MAD1L1: variants seen among roughly 807,000 people sequenced by gnomAD.
MAD1L1 encodes mitotic spindle assembly checkpoint protein MAD1.
In MAD1L1, 95 loss-of-function variants were observed where a neutral mutation model predicts 96.9. The ratio of observed to expected loss-of-function variants is 0.98; its 90% confidence interval spans 0.83 to 1.16. The LOEUF (loss-of-function observed/expected upper bound fraction) is 1.16. MAD1L1 is among the 50% of genes most tolerant of loss of function. The pLI is 0.00. For missense variants in MAD1L1, 1,007 were observed against 954.4 expected (o/e 1.06, Z -0.73); for synonymous variants, 473 against 396.6 (o/e 1.19, Z -2.29).
chr7:1,960,384 C>G (rs905250468), intron 15 of MAD1L1, among the ~76,000 whole-genome samples: 6 of 152,060 alleles, frequency 3.9e-5, no homozygotes, highest in African/African-American at 1.4e-4. Flanking sequence ...AAGGCAGACA[C>G]TCAAACTGGA....
At position 2,095,703 on chromosome 7, in the gene MAD1L1, C is replaced by A. The variant is rs550223534; in HGVS notation, c.1074-26365G>T. ...CATCACCTGCCTACTGCGAGAGGGG[C>A]ACAGGGACACACAGGCGCACAAGGC... is the stretch of plus-strand genomic sequence containing the variant. On this transcript the variant is annotated intron_variant, in intron 11 of 18. Transcript: ENST00000265854. Among the ~76,000 whole-genome samples, 5 of 152,340 alleles carry A rather than the reference C, an allele frequency of 3.3e-5. No individual in the cohort carries two copies. The East Asian group carries it at 9.7e-4, about 29-fold the overall frequency.
intron 14 of MAD1L1, among the ~76,000 whole-genome samples, chr7:1,983,210 T>A (rs1562583199): frequency 6.6e-6 from 1 of 151,942 alleles, no homozygotes; most frequent in Non-Finnish European, 1.5e-5. Flanking sequence ...CCTTTGCAGT[T>A]GTTGGTGTCA....
intron 17 of MAD1L1, among the ~76,000 whole-genome samples, chr7:1,931,721 G>A (rs1446230469): frequency 6.6e-6 from 1 of 151,802 alleles, no homozygotes; most frequent in Non-Finnish European, 1.5e-5. Flanking sequence ...TTCAGATCAG[G>A]CCTCAGCTCC....
chr7:2,217,714 C>T (rs1482840795), intron 7 of MAD1L1, among the ~76,000 whole-genome samples: 4 of 152,242 alleles, frequency 2.6e-5, no homozygotes, highest in East Asian at 3.9e-4. Context: ...TCATCACACA[C>T]ACGGACATTT....
chr7:1,942,700 G>A (rs1348995356), intron 16 of MAD1L1, among the ~76,000 whole-genome samples: 1 of 152,144 alleles, frequency 6.6e-6, no homozygotes. Flanking sequence ...GGCGCTGTCG[G>A]GACCAGAGAC....
In MAD1L1 at chr7:2,180,968, AT is replaced by A. The variant is rs1791173164; in HGVS notation, c.987-31731del. 2.0e-5 allele frequency among the ~76,000 whole-genome samples: 3 copies of A among 152,182 alleles called. No homozygotes were observed. The East Asian group carries it at 5.8e-4, about 29-fold the overall frequency. ...TGGAGAAAGCACGTATCCTGTCTTC[AT>A]TTTTCTTCTCTCTCTGCTTTATTCC... On this transcript the variant is annotated intron_variant, in intron 10 of 18. Coordinates refer to ENST00000265854, the MANE Select transcript of MAD1L1 (RefSeq NM_001013836.2).
chr7:2,182,904 A>G (rs1791270801), intron 10 of MAD1L1, among the ~76,000 whole-genome samples: 1 of 152,160 alleles, frequency 6.6e-6, no homozygotes, highest in Admixed American at 6.5e-5. Flanking sequence ...CAAATATACT[A>G]AAAACCACCA....
chr7:2,080,973 C>G (rs1785612318), intron 11 of MAD1L1, among the ~76,000 whole-genome samples: 1 of 152,208 alleles, frequency 6.6e-6, no homozygotes, highest in South Asian at 2.1e-4. Flanking sequence ...CCTCAGCTGC[C>G]TCTCAGCATG....
intron 11 of MAD1L1, among the ~76,000 whole-genome samples, chr7:2,085,701 G>A (rs1346974464): frequency 2.0e-5 from 3 of 152,224 alleles, no homozygotes; most frequent in East Asian, 1.9e-4. Context: ...GTGGACAGCC[G>A]TGTTGTTTTT....
chr7:2,018,045 GC>G (rs1240157369), intron 12 of MAD1L1, among the ~76,000 whole-genome samples: 1 of 152,082 alleles, frequency 6.6e-6, no homozygotes, highest in Non-Finnish European at 1.5e-5. Context: ...TGTTGGAGGT[GC>G]TGCAGGCAGG....
At chr7:2,049,723 G>C (rs1405385288) in intron 12 of MAD1L1, among the ~76,000 whole-genome samples, 1 of 152,208 alleles carries the variant, frequency 6.6e-6, no homozygotes, top group Non-Finnish European at 1.5e-5. Context: ...CCAGTGTCCA[G>C]GAGGACTATC....
chr7:1,872,082 C>T (rs1027564721), intron 18 of MAD1L1, among the ~76,000 whole-genome samples: 1 of 152,202 alleles, frequency 6.6e-6, no homozygotes, highest in African/African-American at 2.4e-5. Flanking sequence ...CCAGTCCAGG[C>T]CCCAGGCCTT....
At chr7:2,115,065 C>G (rs1225774295) in intron 11 of MAD1L1, among the ~76,000 whole-genome samples, 1 of 152,196 alleles carries the variant, frequency 6.6e-6, no homozygotes, top group Non-Finnish European at 1.5e-5. Flanking sequence ...GGCGCCAGCT[C>G]AGTCTGTATC....
chr7:1,867,810 C>G (rs1784850968), intron 18 of MAD1L1, among the ~76,000 whole-genome samples: 1 of 152,210 alleles, frequency 6.6e-6, no homozygotes, highest in South Asian at 2.1e-4. Flanking sequence ...CTGCCATCAG[C>G]TCTGGGACAA....
At chr7:2,097,434 C>A (rs917414669) in intron 11 of MAD1L1, among the ~76,000 whole-genome samples, 1 of 152,164 alleles carries the variant, frequency 6.6e-6, no homozygotes, top group African/African-American at 2.4e-5. Flanking sequence ...GGGTCTCACT[C>A]CGCCCAGGCC....
intron 10 of MAD1L1, among the ~76,000 whole-genome samples, chr7:2,187,118 TA>T (rs1791498242): frequency 6.6e-6 from 1 of 152,044 alleles, no homozygotes; most frequent in Non-Finnish European, 1.5e-5. Flanking sequence ...ATAATAATAC[TA>T]AGTGGATCAC....
chr7:2,049,219 T>C (rs963658071), intron 12 of MAD1L1, among the ~76,000 whole-genome samples: 3 of 152,054 alleles, frequency 2.0e-5, no homozygotes, highest in African/African-American at 7.2e-5. Flanking sequence ...CAGGCACAAG[T>C]GAGAGAGTGA....
At chr7:1,870,570 A>G (rs1286829335) in intron 18 of MAD1L1, among the ~76,000 whole-genome samples, 2 of 142,248 alleles carry the variant, frequency 1.4e-5, no homozygotes, top group Non-Finnish European at 3.1e-5. Flanking sequence ...GCTGAACCCA[A>G]CATACGCCTG....
rs908523365 is a variant in MAD1L1, at chr7:1,961,474, C to T, written c.1506-3755G>A. Among the ~76,000 whole-genome samples, 18 of 152,046 alleles carry T rather than the reference C, an allele frequency of 1.2e-4. No individual in the cohort carries two copies. The East Asian group carries it at 3.1e-3, about 26-fold the overall frequency. ...TGAAAAATATATGAAGGCAATTCAG[C>T]GTAGAAAGGACAAACTCTTCAACAA... On this transcript the variant is annotated intron_variant, in intron 15 of 18. Coordinates refer to ENST00000265854, the MANE Select transcript of MAD1L1 (RefSeq NM_001013836.2).
Sources: allele counts gnomAD v4.1 joint callset (sites outside exome capture counted in the v4.1 genomes callset), GRCh38; gene constraint gnomAD v4.1.1; transcripts MANE v1.5; gene names NCBI Gene and HGNC (gene_info 2026-07-23, HGNC 2026-07-21).